ATP10A: variants seen among roughly 807,000 people sequenced by gnomAD.
ATP10A encodes the protein ATPase phospholipid transporting 10A (putative).
Under a neutral mutation model 147.8 loss-of-function variants are expected in ATP10A, and 111 were observed. That is an observed-to-expected ratio of 0.75 (90% CI 0.64 to 0.88). The LOEUF is 0.88. Among genes scored for constraint, ATP10A ranks in the 40% least tolerant of loss-of-function variants. The pLI, the probability that ATP10A is intolerant of heterozygous loss-of-function variation, is 0.00. For synonymous variants in ATP10A, 875 were observed against 841.6 expected (o/e 1.04, Z -0.69); for missense variants, 1,927 against 1,959.0 (o/e 0.98, Z 0.31).
intron 13 of ATP10A, among the ~76,000 whole-genome samples, chr15:25,699,443 C>T (rs993295852): frequency 2.0e-5 from 3 of 152,166 alleles, no homozygotes; most frequent in African/African-American, 7.2e-5. Context: ...TGAAATGTGA[C>T]CCAAAATGGA....
chr15:25,809,291 C>T (rs547490697), intron 1 of ATP10A, among the ~76,000 whole-genome samples: 120 of 152,142 alleles, frequency 7.9e-4, no homozygotes, highest in Admixed American at 5.7e-3. Context: ...ATACGTCGGG[C>T]GGGGTGAGAC....
At chr15:25,770,712 C>A (rs936760954) in intron 2 of ATP10A, among the ~76,000 whole-genome samples, 1 of 152,152 alleles carries the variant, frequency 6.6e-6, no homozygotes, top group Non-Finnish European at 1.5e-5. Context: ...ACTCATCATC[C>A]AACGCCCCAG....
intron 7 of ATP10A, among the ~76,000 whole-genome samples, chr15:25,719,325 A>G (rs1461182615): frequency 6.6e-6 from 1 of 152,144 alleles, no homozygotes; most frequent in East Asian, 1.9e-4. Flanking sequence ...AAATGGGGAT[A>G]AAAAAGGGGA....
chr15:25,676,176 G>T (rs535738307), downstream of ATP10A, among the ~76,000 whole-genome samples: 1 of 152,274 alleles, frequency 6.6e-6, no homozygotes, highest in African/African-American at 2.4e-5. Context: ...CAGTAGAGAT[G>T]CGAGGAAAGC....
At chr15:25,709,069 G>C (rs1901229914) in intron 10 of ATP10A, 1 of 152,220 alleles carries the variant, frequency 6.6e-6, no homozygotes, top group Non-Finnish European at 1.5e-5. Flanking sequence ...AGGGGTGACA[G>C]AGCCCTCAAG....
At chr15:25,813,276 GGTAGA>G (rs1233911472) in intron 1 of ATP10A, among the ~76,000 whole-genome samples, 1 of 152,166 alleles carries the variant, frequency 6.6e-6, no homozygotes, top group Non-Finnish European at 1.5e-5. Context: ...CAGGTCATCA[GGTAGA>G]GTAATCTGAT....
intron 3 of ATP10A, 107 bp from the exon 4 acceptor site, chr15:25,727,373 G>A: frequency 3.9e-6 from 4 of 1,019,162 alleles, no homozygotes; most frequent in Non-Finnish European, 4.5e-6. Context: ...AAAGCTTGGG[G>A]CCGCTGGGAT....
intron 1 of ATP10A, among the ~76,000 whole-genome samples, chr15:25,831,391 G>T (rs896277137): frequency 6.6e-6 from 1 of 152,240 alleles, no homozygotes; most frequent in Non-Finnish European, 1.5e-5. Flanking sequence ...CCTGGAGAAT[G>T]CTGCGAGCAG....
At position 25,704,840 on chromosome 15, in the gene ATP10A, C is replaced by T. The variant is rs376252322; in HGVS notation, c.2576-2740G>A. Among the ~76,000 whole-genome samples the T allele has an allele frequency of 3.3e-5, 5 of 152,236 alleles. No homozygotes were observed. In the South Asian group the frequency reaches 6.2e-4, roughly 19 times the overall value. On this transcript the variant is annotated intron_variant, in intron 12 of 20. Coordinates refer to ENST00000555815, the MANE Select transcript of ATP10A (RefSeq NM_024490.4). Reference sequence around the variant, plus strand: ...CTCTGAGTAAATGCCACTGTCTTTACGACCTGACCCTCTGGAAGGCCTGGC... The same window carrying T: ...CTCTGAGTAAATGCCACTGTCTTTATGACCTGACCCTCTGGAAGGCCTGGC...
chr15:25,737,111 T>C (rs958905661), intron 2 of ATP10A, among the ~76,000 whole-genome samples: 3 of 152,236 alleles, frequency 2.0e-5, no homozygotes, highest in African/African-American at 7.2e-5. Context: ...TAGATAATCG[T>C]AGCTCGATTC....
rs566064453 is a variant in ATP10A, at chr15:25,781,070, A to G, written c.603T>C (p.Asp201=). ...GCCGCCGCTTCAGGTTGGTCTCTCC[A>G]TCCAGGTTGGCGGTCTCGATGTGGC... ...GLCHIETANL[D]GETNLKRRQV... Residue 201 remains aspartate (D), a synonymous_variant, in exon 2 of 21, where the codon GAT becomes GAC. Coordinates refer to ENST00000555815, the MANE Select transcript of ATP10A (RefSeq NM_024490.4). The G allele has an allele frequency of 1.2e-6, 2 of 1,614,080 alleles. No homozygotes were observed. The highest frequency in any genetic ancestry group is 1.3e-5 in the African/African-American group (1 of 75,024).
rs907660395 is a variant in ATP10A, at chr15:25,726,084, T to A, written c.848-2A>T. 4 of 1,613,238 alleles carry A rather than the reference T, an allele frequency of 2.5e-6. No homozygotes were observed. In the African/African-American group the frequency reaches 5.3e-5, roughly 22 times the overall value. On this transcript the variant is annotated splice_acceptor_variant, in intron 4 of 20. Transcript: ENST00000555815. LOFTEE classifies it high-confidence loss of function. The stretch of plus-strand genomic sequence containing the variant: ...TCAGCAGAGCCTTGGTTTCATGTCC[T>A]GTCGGGGAGGACAAAGAGACATGGC...
At chr15:25,768,085 G>T (rs752251372) in intron 2 of ATP10A, among the ~76,000 whole-genome samples, 10 of 152,242 alleles carry the variant, frequency 6.6e-5, no homozygotes, top group Admixed American at 6.5e-4. Flanking sequence ...GGACTTGGCA[G>T]CTGGTTCTCT....
intron 1 of ATP10A, among the ~76,000 whole-genome samples, chr15:25,859,006 G>C (rs1893638087): frequency 6.6e-6 from 1 of 152,178 alleles, no homozygotes; most frequent in Non-Finnish European, 1.5e-5. Flanking sequence ...TGGGAGCAGG[G>C]CTCCAGGTCT....
At chr15:25,705,892 C>T (rs1014222604) in intron 12 of ATP10A, among the ~76,000 whole-genome samples, 2 of 152,206 alleles carry the variant, frequency 1.3e-5, no homozygotes, top group African/African-American at 4.8e-5. Context: ...GCACGGCTGG[C>T]ACCCATGTGG....
At chr15:25,793,315 C>T (rs906615377) in intron 1 of ATP10A, among the ~76,000 whole-genome samples, 2 of 152,174 alleles carry the variant, frequency 1.3e-5, no homozygotes, top group African/African-American at 2.4e-5. Flanking sequence ...CTGCTCTTCC[C>T]ATCCCACCCA....
At chr15:25,749,833 A>G (rs1888052969) in intron 2 of ATP10A, among the ~76,000 whole-genome samples, 1 of 152,198 alleles carries the variant, frequency 6.6e-6, no homozygotes, top group South Asian at 2.1e-4. Flanking sequence ...AATATCTGAG[A>G]CAAAAAATAA....
At chr15:25,849,238 G>T (rs1246998738) in intron 1 of ATP10A, among the ~76,000 whole-genome samples, 2 of 152,274 alleles carry the variant, frequency 1.3e-5, no homozygotes, top group Admixed American at 6.5e-5. Context: ...GGGGCCGAGG[G>T]TGTGGACGTT....
intron 17 of ATP10A, among the ~76,000 whole-genome samples, chr15:25,682,870 T>C (rs1230571210): frequency 6.6e-6 from 1 of 152,254 alleles, no homozygotes; most frequent in African/African-American, 2.4e-5. Context: ...TGTGAATCTA[T>C]GTGGTATATT....
Sources: gnomAD v4.1 joint callset for allele counts (sites outside exome capture counted in the v4.1 genomes callset) on GRCh38, gnomAD v4.1.1 for gene constraint, MANE v1.5 for transcripts, NCBI Gene and HGNC (gene_info 2026-07-23, HGNC 2026-07-21) for gene names.